MDGA1: variants seen among roughly 807,000 people sequenced by gnomAD.
MDGA1 encodes MAM domain-containing glycosylphosphatidylinositol anchor protein 1.
In MDGA1, 54 loss-of-function variants were observed where a neutral mutation model predicts 101.5. The ratio of observed to expected loss-of-function variants is 0.53; its 90% confidence interval spans 0.43 to 0.67. The LOEUF is 0.67. Among genes scored for constraint, MDGA1 ranks in the 30% least tolerant of loss-of-function variants. MDGA1 has a pLI of 0.00. For missense variants in MDGA1, 1,083 were observed against 1,323.8 expected, an observed-to-expected ratio of 0.82 and a Z score of 2.82; for synonymous variants, 533 against 558.3, an observed-to-expected ratio of 0.95 and a Z score of 0.64.
chr6:37,645,965 G>A lies in MDGA1; in HGVS notation c.2225-9C>T. The stretch of plus-strand genomic sequence containing the variant: ...GTTCGGAGAGTTGATGGCTGAGAAA[G>A]CAAGCGGGGAAACCAAGTCAGAACT... On this transcript the variant is annotated splice_polypyrimidine_tract_variant and intron_variant, in intron 11 of 16. Coordinates refer to ENST00000434837, the MANE Select transcript of MDGA1 (RefSeq NM_153487.4). 2 of 1,614,004 alleles carry A rather than the reference G, an allele frequency of 1.2e-6. No individual in the cohort carries two copies. Among genetic ancestry groups the A allele is most frequent in the East Asian group, 2.2e-5 (1 of 44,890 alleles).
chr6:37,644,588 G>A lies in MDGA1; in HGVS notation c.2310C>T (p.Asn770=), dbSNP rs374850647. Residue 770 remains asparagine, a synonymous_variant, in exon 13 of 17, where the codon AAC becomes AAT. Transcript: ENST00000434837. The part of the protein sequence containing the change: ...ICGYTQDLTD[N]FDWTRQNALT... ...GGGCATTCTGCCGCGTCCAGTCAAA[G>A]TTGTCTGTCAGGTCCTGGGTATAGC... 103 of 1,609,566 alleles carry A rather than the reference G, an allele frequency of 6.4e-5. No individual in the cohort carries two copies. Among genetic ancestry groups the A allele is most frequent in the Non-Finnish European group, 1.9e-5 (22 of 1,177,950 alleles).
chr6:37,631,959 A>G lies in MDGA1; in HGVS notation c.*5409T>C, dbSNP rs1356496021. 6.6e-6 allele frequency: 1 copy of G among 152,154 alleles called. No homozygotes were observed. Among genetic ancestry groups the G allele is most frequent in the Non-Finnish European group, 1.5e-5 (1 of 68,034 alleles). 9.4% of individuals were successfully genotyped at this position (152,154 alleles called of 1,614,324 possible). On this transcript the variant is annotated 3_prime_UTR_variant, in exon 17 of 17. Coordinates refer to ENST00000434837, the MANE Select transcript of MDGA1 (RefSeq NM_153487.4). ...TGCCGAGAAGGGAAAATGGCATTTCAACCACCATACCAACTTTAGTCCTCC... is the reference window on the plus strand; with the variant it reads ...TGCCGAGAAGGGAAAATGGCATTTCGACCACCATACCAACTTTAGTCCTCC...
At chr6:37,674,476 C>T (rs1761936292) in intron 1 of MDGA1, among the ~76,000 whole-genome samples, 1 of 152,252 alleles carries the variant, frequency 6.6e-6, no homozygotes, top group African/African-American at 2.4e-5. Context: ...CTCTCCTCTG[C>T]TGCAAGTGGC....
In MDGA1 at chr6:37,635,411, C is replaced by T; in HGVS notation, c.*1957G>A. Reference sequence around the variant, plus strand: ...CTGCACAGATGGGACAGTTAAGGAACAATACCCGACAGACGCGATGGAAGT... The same window carrying T: ...CTGCACAGATGGGACAGTTAAGGAATAATACCCGACAGACGCGATGGAAGT... On this transcript the variant is annotated 3_prime_UTR_variant, in exon 17 of 17. Transcript: ENST00000434837. 2 of 398,430 alleles carry T rather than the reference C, an allele frequency of 5.0e-6. No homozygotes were observed. Among genetic ancestry groups the T allele is most frequent in the Non-Finnish European group, 8.8e-6 (2 of 226,106 alleles). 24.7% of individuals were successfully genotyped at this position (398,430 alleles called of 1,614,324 possible).
At chr6:37,664,132 G>A in intron 1 of MDGA1, 26 bp from the exon 2 acceptor site, 1 of 1,613,426 alleles carries the variant, frequency 6.2e-7, no homozygotes, top group Non-Finnish European at 8.5e-7. Context: ...GGAGGAGGAG[G>A]TTTAGAGAAG....
chr6:37,633,865 A>G lies in MDGA1; in HGVS notation c.*3503T>C, dbSNP rs1197087821. On this transcript the variant is annotated 3_prime_UTR_variant, in exon 17 of 17. Transcript: ENST00000434837. ...TCCCAAGACTGGCTCTACTCAAACT[A>G]GCTGTGTGACCTTGGGCCACTCCCC... 4 of 152,336 alleles carry G rather than the reference A, an allele frequency of 2.6e-5. No homozygotes were observed. The highest frequency in any genetic ancestry group is 9.7e-5 in the African/African-American group (4 of 41,432). The allele number at this position is 152,336 out of a possible 1,614,324, so 9.4% of individuals were successfully genotyped here. A position where few individuals can be genotyped will look rare whatever the true frequency, so the allele number is the denominator to read the frequency against.
chr6:37,645,940 G>T lies in MDGA1; in HGVS notation c.2241C>A (p.Asn747Lys). ...GTGACTGGGGAGTCTCACCTGAAAG[G>T]TTCGGAGAGTTGATGGCTGAGAAAG... ...IHYTEPINSP[N>K]LSDNTCHFED... is the part of the protein sequence containing the mutation. The change falls in exon 12 of 17, where the codon AAC (asparagine) becomes AAA (lysine). Residue 747 changes from asparagine to lysine, a missense_variant. Coordinates refer to ENST00000434837, the MANE Select transcript of MDGA1 (RefSeq NM_153487.4). 1.2e-6 allele frequency: 2 copies of T among 1,614,024 alleles called. No homozygotes were observed. Among genetic ancestry groups the T allele is most frequent in the Non-Finnish European group, 8.5e-7 (1 of 1,179,900 alleles).
rs1763984570 is a variant in MDGA1 at position 37,638,413 on chromosome 6, G to A, written c.2668-100C>T. On this transcript the variant is annotated intron_variant, in intron 15 of 16. Transcript: ENST00000434837. The surrounding 1 kb of genome is among the most constrained non-coding windows in gnomAD (Gnocchi z 4.8). ...ACCTTTCCCCTTAATCTACCTGGAAGTTCCCCCTAACCTGACTCTTTCCAT... is the reference window on the plus strand; with the variant it reads ...ACCTTTCCCCTTAATCTACCTGGAAATTCCCCCTAACCTGACTCTTTCCAT... The A allele has an allele frequency of 6.6e-7, 1 of 1,525,668 alleles. No individual in the cohort carries two copies. The highest frequency in any genetic ancestry group is 8.9e-7 in the Non-Finnish European group (1 of 1,120,166). The allele number at this position is 1,525,668 out of a possible 1,614,324, so 94.5% of individuals were successfully genotyped here.
intron 1 of MDGA1, among the ~76,000 whole-genome samples, chr6:37,676,325 C>T (rs1353674440): frequency 6.6e-6 from 1 of 152,196 alleles, no homozygotes; most frequent in Admixed American, 6.5e-5. Flanking sequence ...AGTGGCTTTG[C>T]TAAAGCAAGG....
intron 1 of MDGA1, among the ~76,000 whole-genome samples, chr6:37,695,069 A>G (rs1762389075): frequency 1.3e-5 from 2 of 152,046 alleles, no homozygotes; most frequent in Non-Finnish European, 2.9e-5. Flanking sequence ...AGAAGGCTGG[A>G]GAAGCTGGAG....
At chr6:37,644,070 C>T in intron 13 of MDGA1, 127 bp from the exon 14 acceptor site, 30 of 1,152,300 alleles carry the variant, frequency 2.6e-5, no homozygotes, top group Non-Finnish European at 3.4e-5. Flanking sequence ...TCCTGCCTCA[C>T]CCCACGCATC....
At chr6:37,694,414 G>T (rs140084997) in intron 1 of MDGA1, among the ~76,000 whole-genome samples, 1 of 152,180 alleles carries the variant, frequency 6.6e-6, no homozygotes, top group African/African-American at 2.4e-5. Context: ...CTGTTGTGCC[G>T]GGGACCATGC....
chr6:37,649,889 G>C (rs1761315261), intron 8 of MDGA1: 6 of 717,590 alleles, frequency 8.4e-6, no homozygotes, highest in Non-Finnish European at 1.5e-5. Flanking sequence ...TTGTTCACCG[G>C]GTCCCTGAAA....
At chr6:37,653,359 G>C (rs1283436711) in intron 6 of MDGA1, among the ~76,000 whole-genome samples, 1 of 152,346 alleles carries the variant, frequency 6.6e-6, no homozygotes, top group South Asian at 2.1e-4. Context: ...AAAAGTCACA[G>C]AGAGCTAGTT....
At chr6:37,672,364 C>A (rs897239302) in intron 1 of MDGA1, among the ~76,000 whole-genome samples, 1 of 151,866 alleles carries the variant, frequency 6.6e-6, no homozygotes, top group Non-Finnish European at 1.5e-5. Context: ...TGCTTGAGCT[C>A]AGGAGATCGA....
rs1762440964 is a variant in MDGA1, at chr6:37,697,199, G to C, written c.-388C>G. 5.2e-6 allele frequency: 1 copy of C among 192,378 alleles called. No homozygotes were observed. The highest frequency in any genetic ancestry group is 2.3e-5 in the African/African-American group (1 of 42,732). 11.9% of individuals were successfully genotyped at this position (192,378 alleles called of 1,614,324 possible). A position where few individuals can be genotyped will look rare whatever the true frequency, so the allele number is the denominator to read the frequency against. On this transcript the variant is annotated 5_prime_UTR_variant, in exon 1 of 17. Transcript: ENST00000434837. ...CGCTTCGATCCAACAGGCCACGGAC[G>C]ACTGACAAACTTGTCGTTTCCCCGC...
rs1762438347 is a variant in MDGA1, at chr6:37,697,076, G to T, written c.-265C>A. 1 of 343,834 alleles carries T rather than the reference G, an allele frequency of 2.9e-6. No homozygotes were observed. The highest frequency in any genetic ancestry group is 4.5e-5 in the East Asian group (1 of 22,342). The allele number at this position is 343,834 out of a possible 1,614,324, so 21.3% of individuals were successfully genotyped here. A position where few individuals can be genotyped will look rare whatever the true frequency, so the allele number is the denominator to read the frequency against. On this transcript the variant is annotated 5_prime_UTR_variant, in exon 1 of 17. Transcript: ENST00000434837. ...CGGCGCGCCCGGCACAGCAGCCAGC[G>T]CCCCGACCCGAGGAGCCCGGCCGCC...
At chr6:37,682,701 G>T (rs768058242) in intron 1 of MDGA1, among the ~76,000 whole-genome samples, 3 of 152,140 alleles carry the variant, frequency 2.0e-5, no homozygotes, top group Non-Finnish European at 2.9e-5. Context: ...ATAAGTCTGT[G>T]ATTCTAGATC....
intron 1 of MDGA1, among the ~76,000 whole-genome samples, chr6:37,681,474 C>T (rs1391293169): frequency 6.6e-6 from 1 of 152,144 alleles, no homozygotes; most frequent in African/African-American, 2.4e-5. Context: ...TCTGGAGGGG[C>T]AGCGAGATAA....
Sources: allele counts gnomAD v4.1 joint callset (sites outside exome capture counted in the v4.1 genomes callset), GRCh38; gene constraint gnomAD v4.1.1; non-coding constraint Gnocchi (gnomAD v3.1); transcripts MANE v1.5; gene names NCBI Gene and HGNC (gene_info 2026-07-23, HGNC 2026-07-21).